Variants in MIR2052HG observed in about 807,000 individuals in gnomAD.
MIR2052HG encodes MIR2052 host gene.
chr8:74,615,707 C>T (rs141170669), intron 2 of MIR2052HG, among the ~76,000 whole-genome samples: 162 of 152,002 alleles, frequency 1.1e-3, no homozygotes, highest in Middle Eastern at 6.8e-3. Context: ...GTGTGCTGCA[C>T]CCATTAACTC....
chr8:74,709,141 A>G (rs1263771271), intron 4 of MIR2052HG, among the ~76,000 whole-genome samples: 2 of 152,174 alleles, frequency 1.3e-5, no homozygotes, highest in African/African-American at 4.8e-5. Flanking sequence ...AGACAAGGGA[A>G]AAGAGGTCAG....
chr8:74,698,846 A>G (rs1809329112), intron 2 of MIR2052HG, among the ~76,000 whole-genome samples: 1 of 152,186 alleles, frequency 6.6e-6, no homozygotes, highest in African/African-American at 2.4e-5. Context: ...GCACCACGGC[A>G]CATGTACACC....
chr8:74,686,753 A>C (rs1809185992), intron 2 of MIR2052HG, among the ~76,000 whole-genome samples: 1 of 152,140 alleles, frequency 6.6e-6, no homozygotes, highest in Admixed American at 6.6e-5. Flanking sequence ...CTGTGGCCTC[A>C]GACCTGTCTA....
chr8:74,620,228 T>C (rs548657530), intron 2 of MIR2052HG, among the ~76,000 whole-genome samples: 3 of 152,338 alleles, frequency 2.0e-5, no homozygotes, highest in East Asian at 3.9e-4. Context: ...ATACAACCCA[T>C]CCTGGCTGCT....
chr8:74,699,473 A>G (rs933222183), intron 2 of MIR2052HG, among the ~76,000 whole-genome samples: 3 of 151,820 alleles, frequency 2.0e-5, no homozygotes, highest in Non-Finnish European at 4.4e-5. Context: ...AAAGGAACAA[A>G]ATAATGGCAT....
intron 4 of MIR2052HG, among the ~76,000 whole-genome samples, chr8:74,745,930 G>T (rs1456420830): frequency 6.6e-6 from 1 of 152,152 alleles, no homozygotes; most frequent in African/African-American, 2.4e-5. Flanking sequence ...GCAATTCTAT[G>T]AAGTCAACAC....
chr8:74,699,416 G>A (rs1028500698), intron 2 of MIR2052HG, among the ~76,000 whole-genome samples: 17 of 148,178 alleles, frequency 1.1e-4, no homozygotes, highest in Admixed American at 2.0e-4. Flanking sequence ...GTGTGTGTGT[G>A]TATATATATA....
At chr8:74,661,664 A>G (rs1808866608) in intron 2 of MIR2052HG, among the ~76,000 whole-genome samples, 1 of 152,156 alleles carries the variant, frequency 6.6e-6, no homozygotes, top group Admixed American at 6.5e-5. Flanking sequence ...CACATGTTGT[A>G]TTATGTTTGG....
chr8:74,606,622 G>A (rs2128730792), intron 1 of MIR2052HG, among the ~76,000 whole-genome samples: 1 of 152,266 alleles, frequency 6.6e-6, no homozygotes, highest in African/African-American at 2.4e-5. Flanking sequence ...ATAAGTGGGA[G>A]CTAAATGATG....
intron 2 of MIR2052HG, among the ~76,000 whole-genome samples, chr8:74,619,440 C>G (rs1029631522): frequency 6.6e-5 from 10 of 152,122 alleles, no homozygotes; most frequent in African/African-American, 1.9e-4. Flanking sequence ...TTATATTTGT[C>G]TATTCACACA....
intron 2 of MIR2052HG, among the ~76,000 whole-genome samples, chr8:74,654,438 TCCCGGAACTCC>T (rs1808783085): frequency 6.6e-6 from 1 of 152,090 alleles, no homozygotes; most frequent in African/African-American, 2.4e-5. Flanking sequence ...GAATTATATC[TCCCGGAACTCC>T]CCCGTGTTGT....
At chr8:74,740,462 T>TA (rs903277387) in intron 4 of MIR2052HG, among the ~76,000 whole-genome samples, 2 of 151,400 alleles carry the variant, frequency 1.3e-5, no homozygotes, top group East Asian at 1.9e-4. Flanking sequence ...AGACTTCATC[T>TA]AAAAAAAAAT....
chr8:74,742,300 C>T (rs143747494), intron 4 of MIR2052HG, among the ~76,000 whole-genome samples: 125 of 152,198 alleles, frequency 8.2e-4, no homozygotes, highest in African/African-American at 2.9e-3. Flanking sequence ...TAATGTTCCA[C>T]GTAGATTGAT....
chr8:74,645,115 A>T (rs565667091), intron 2 of MIR2052HG, among the ~76,000 whole-genome samples: 20 of 152,216 alleles, frequency 1.3e-4, no homozygotes, highest in African/African-American at 4.8e-4. Context: ...TTAGCTAAGT[A>T]AGAAGAAATG....
chr8:74,687,546 G>T (rs1003232630), intron 2 of MIR2052HG, among the ~76,000 whole-genome samples: 8 of 152,080 alleles, frequency 5.3e-5, no homozygotes, highest in Admixed American at 4.6e-4. Flanking sequence ...TGTGACAACT[G>T]GAGAACATTA....
intron 2 of MIR2052HG, among the ~76,000 whole-genome samples, chr8:74,697,079 C>G (rs762999796): frequency 2.0e-5 from 3 of 151,998 alleles, no homozygotes; most frequent in Non-Finnish European, 2.9e-5. Context: ...GAATCCTCAA[C>G]AAAATACTAG....
intron 2 of MIR2052HG, among the ~76,000 whole-genome samples, chr8:74,655,980 G>T (rs949776583): frequency 1.3e-5 from 2 of 152,164 alleles, no homozygotes; most frequent in Non-Finnish European, 2.9e-5. Context: ...TGTAAGACAT[G>T]GGGTCAAAGG....
intron 2 of MIR2052HG, among the ~76,000 whole-genome samples, chr8:74,653,324 CA>C (rs1272785241): frequency 1.3e-5 from 2 of 152,138 alleles, no homozygotes; most frequent in Non-Finnish European, 1.5e-5. Flanking sequence ...ATTACTTCAC[CA>C]GCTAGTTTAA....
intron 2 of MIR2052HG, among the ~76,000 whole-genome samples, chr8:74,619,686 G>A (rs2128732473): frequency 6.6e-6 from 1 of 152,202 alleles, no homozygotes; most frequent in African/African-American, 2.4e-5. Context: ...ACAGAATAAG[G>A]GAAACAGCCC....
Sources: allele counts gnomAD v4.1 joint callset (sites outside exome capture counted in the v4.1 genomes callset), GRCh38; gene constraint gnomAD v4.1.1; transcripts MANE v1.5; gene names NCBI Gene and HGNC (gene_info 2026-07-23, HGNC 2026-07-21).